RGP1: variants seen among roughly 807,000 people sequenced by gnomAD.
RGP1 encodes RGP1 partner of RAB6A GEF complex.
Under a neutral mutation model 44.5 loss-of-function variants are expected in RGP1, and 28 were observed. The observed-to-expected ratio is 0.63, with a 90% confidence interval of 0.47 to 0.86. The LOEUF is 0.86. RGP1 is among the 40% of genes least tolerant of loss of function. RGP1 has a pLI of 0.00. For missense variants in RGP1, 417 were observed against 490.7 expected, an observed-to-expected ratio of 0.85 and a Z score of 1.42; for synonymous variants, 212 against 196.7, an observed-to-expected ratio of 1.08 and a Z score of -0.65.
At chr9:35,787,362 T>C in the RGP1 span, among the ~76,000 whole-genome samples, 3 of 152,044 alleles carry the variant, frequency 2.0e-5, no homozygotes, top group African/African-American at 7.2e-5. Context: ...CCTGAGTAGC[T>C]GGGATTACAG....
chr9:35,769,636 A>C, the RGP1 span, among the ~76,000 whole-genome samples: 1 of 152,186 alleles, frequency 6.6e-6, no homozygotes, highest in Non-Finnish European at 1.5e-5. Context: ...AATCAGATGA[A>C]AAGTCGGAAG....
chr9:35,752,935 A>C lies in RGP1; in HGVS notation c.*61A>C. On this transcript the variant is annotated 3_prime_UTR_variant, in exon 9 of 9. Coordinates refer to ENST00000378078, the MANE Select transcript of RGP1 (RefSeq NM_001080496.3). ...CTGAGAACTCAGCACCTGGACTCTA[A>C]TGGGACCCACTTTTTCCACCTGGGG... 2 of 1,564,866 alleles carry C rather than the reference A, an allele frequency of 1.3e-6. No individual in the cohort carries two copies. The highest frequency in any genetic ancestry group is 1.1e-5 in the South Asian group (1 of 87,900).
rs921390910 is a variant in RGP1, at chr9:35,753,497, G to T, written c.*623G>T. 1.3e-6 allele frequency: 1 copy of T among 773,666 alleles called. No individual in the cohort carries two copies. The highest frequency in any genetic ancestry group is 2.1e-6 in the Non-Finnish European group (1 of 479,062). The allele number at this position is 773,666 out of a possible 1,614,324, so 47.9% of individuals were successfully genotyped here. On this transcript the variant is annotated 3_prime_UTR_variant, in exon 9 of 9. Coordinates refer to ENST00000378078, the MANE Select transcript of RGP1 (RefSeq NM_001080496.3). The surrounding 1 kb of genome is among the most constrained non-coding windows in gnomAD (Gnocchi z 4.2). ...CCACCCCAACCTCCCCTGATTTATA[G>T]CCTGAAGCCTTATCTTTCACACTAG...
Position 35,756,585 on chromosome 9 carries a change from C to T in RGP1, c.*3711C>T, listed in dbSNP as rs1827361361. On this transcript the variant is annotated 3_prime_UTR_variant, in exon 9 of 9. Transcript: ENST00000378078. ...GGGCTGGAGCAGGTGGATTCGAAGGCCTGTCTAGCACGAGGGCCCAAAGGT... is the reference window on the plus strand; with the variant it reads ...GGGCTGGAGCAGGTGGATTCGAAGGTCTGTCTAGCACGAGGGCCCAAAGGT... 6.6e-6 allele frequency: 1 copy of T among 152,386 alleles called. No individual in the cohort carries two copies. Among genetic ancestry groups the T allele is most frequent in the South Asian group, 2.1e-4 (1 of 4,842 alleles). The allele number at this position is 152,386 out of a possible 1,614,324, so 9.4% of individuals were successfully genotyped here.
At chr9:35,789,965 A>G in the RGP1 span, among the ~76,000 whole-genome samples, 1 of 152,240 alleles carries the variant, frequency 6.6e-6, no homozygotes, top group Non-Finnish European at 1.5e-5. Flanking sequence ...ATATATTTAT[A>G]TGATCCTCTT....
At chr9:35,768,838 G>A in the RGP1 span, among the ~76,000 whole-genome samples, 1 of 152,306 alleles carries the variant, frequency 6.6e-6, no homozygotes, top group Non-Finnish European at 1.5e-5. Context: ...AGACTGAGCA[G>A]TTTTTATTCA....
the RGP1 span, among the ~76,000 whole-genome samples, chr9:35,771,917 T>G: frequency 6.6e-6 from 1 of 152,254 alleles, no homozygotes; most frequent in Admixed American, 6.5e-5. Flanking sequence ...TTTAGACACA[T>G]GCTTTGCTCA....
the RGP1 span, among the ~76,000 whole-genome samples, chr9:35,770,681 G>A: frequency 1.6e-3 from 241 of 152,314 alleles, 5 homozygotes; most frequent in South Asian, 0.022. Flanking sequence ...GTGTCATGGA[G>A]GGTGTACCAC....
chr9:35,776,618 C>A, the RGP1 span, among the ~76,000 whole-genome samples: 1 of 151,824 alleles, frequency 6.6e-6, no homozygotes, highest in South Asian at 2.1e-4. Context: ...TATTTTATTT[C>A]TTTATTTTCA....
At position 35,749,693 on chromosome 9, in the gene RGP1, C is replaced by T. The variant is rs1192073504; in HGVS notation, c.-19-44C>T. 1 of 1,205,964 alleles carries T rather than the reference C, an allele frequency of 8.3e-7. No individual in the cohort carries two copies. The highest frequency in any genetic ancestry group is 1.3e-5 in the South Asian group (1 of 79,442). 74.7% of individuals were successfully genotyped at this position (1,205,964 alleles called of 1,614,324 possible). ...CCTAGGTGCTCACCGCAACGCCCCT[C>T]CCTGTCAAGGTGCTGACCTCCGCCC... is the stretch of plus-strand genomic sequence containing the variant. On this transcript the variant is annotated intron_variant, in intron 1 of 8. Transcript: ENST00000378078. This position sits in a 1 kb window ranked among gnomAD's most constrained non-coding sequence, Gnocchi z 4.4.
At chr9:35,785,333 A>C in the RGP1 span, among the ~76,000 whole-genome samples, 1 of 151,694 alleles carries the variant, frequency 6.6e-6, no homozygotes, top group Non-Finnish European at 1.5e-5. Context: ...AGGTTCCCTG[A>C]AGGTGCCTCA....
intron 5 of RGP1, 111 bp downstream of exon 5, chr9:35,751,100 A>G: frequency 1.4e-6 from 2 of 1,467,512 alleles, no homozygotes; most frequent in Non-Finnish European, 1.9e-6. Context: ...TCTCAGTGAC[A>G]GTGCTAGGGA....
the RGP1 span, among the ~76,000 whole-genome samples, chr9:35,788,106 C>T: frequency 6.6e-6 from 1 of 152,178 alleles, no homozygotes; most frequent in Non-Finnish European, 1.5e-5. Context: ...AGCATGAGCC[C>T]GAATCCCATG....
At chr9:35,763,656 C>A in the RGP1 span, among the ~76,000 whole-genome samples, 1 of 152,076 alleles carries the variant, frequency 6.6e-6, no homozygotes, top group African/African-American at 2.4e-5. Context: ...CCAAGGCAGG[C>A]AGATCACCTG....
chr9:35,782,668 A>T, the RGP1 span, among the ~76,000 whole-genome samples: 1 of 151,804 alleles, frequency 6.6e-6, no homozygotes, highest in East Asian at 1.9e-4. Context: ...CTGGTCTCAA[A>T]CTCCTGACCT....
At chr9:35,777,127 C>CTT in the RGP1 span, among the ~76,000 whole-genome samples, 19 of 82,300 alleles carry the variant, frequency 2.3e-4, no homozygotes, top group African/African-American at 2.6e-4. Flanking sequence ...AGGTGTTTTT[C>CTT]TTTTTTTTTT....
chr9:35,751,700 C>T lies in RGP1; in HGVS notation c.708C>T (p.Gly236=), dbSNP rs1471871431. 4.3e-6 allele frequency: 7 copies of T among 1,613,808 alleles called. No individual in the cohort carries two copies. Among genetic ancestry groups the T allele is most frequent in the East Asian group, 4.5e-5 (2 of 44,874 alleles). Residue 236 remains glycine, a synonymous_variant, in exon 7 of 9, where the codon GGC becomes GGT. Transcript: ENST00000378078. The part of the protein sequence containing the change: ...FGIFKSVYRL[G]EDVVGTLNLG... ...TCTTCAAATCTGTGTACAGACTTGG[C>T]GAGGACGTGGTGGGGACCTTAAACT...
At chr9:35,751,871 C>T in intron 7 of RGP1, 85 bp from the exon 8 acceptor site, 1 of 1,567,284 alleles carries the variant, frequency 6.4e-7, no homozygotes, top group Non-Finnish European at 8.7e-7. Flanking sequence ...ATCCAGGGTC[C>T]CTTTGTAAAA....
the RGP1 span, among the ~76,000 whole-genome samples, chr9:35,767,585 T>G: frequency 6.6e-6 from 1 of 152,150 alleles, no homozygotes; most frequent in Non-Finnish European, 1.5e-5. Context: ...GGATGATGAG[T>G]AGGATTTCAG....
Sources: gnomAD v4.1 joint callset for allele counts (sites outside exome capture counted in the v4.1 genomes callset) on GRCh38, gnomAD v4.1.1 for gene constraint, Gnocchi (gnomAD v3.1) non-coding constraint, MANE v1.5 for transcripts, NCBI Gene and HGNC (gene_info 2026-07-23, HGNC 2026-07-21) for gene names.